Variants in MAP2K5 observed in about 807,000 individuals in gnomAD.
The protein encoded by MAP2K5 is dual specificity mitogen-activated protein kinase kinase 5.
A neutral mutation model predicts 83.1 loss-of-function variants in MAP2K5; 49 were observed. The observed-to-expected ratio is 0.59, with a 90% confidence interval of 0.47 to 0.75. MAP2K5 has a LOEUF of 0.75. Among genes scored for constraint, MAP2K5 ranks in the 30% least tolerant of loss-of-function variants. The pLI is 0.00. For missense variants in MAP2K5, 457 were observed against 557.5 expected, an observed-to-expected ratio of 0.82 and a Z score of 1.82; for synonymous variants, 202 against 191.8, an observed-to-expected ratio of 1.05 and a Z score of -0.44.
At chr15:67,544,992 A>G (rs1249703490) in intron 1 of MAP2K5, among the ~76,000 whole-genome samples, 3 of 152,138 alleles carry the variant, frequency 2.0e-5, no homozygotes, top group East Asian at 3.9e-4. Flanking sequence ...TCCTCTGGGC[A>G]CATCTGGATT....
chr15:67,611,705 A>G (rs2085928271), intron 8 of MAP2K5, among the ~76,000 whole-genome samples: 1 of 152,196 alleles, frequency 6.6e-6, no homozygotes, highest in African/African-American at 2.4e-5. Flanking sequence ...CAAGTCAAGG[A>G]TAAGATCACC....
At position 67,793,167 on chromosome 15, in the gene MAP2K5, G is replaced by T. The variant is rs1050779791; in HGVS notation, c.1243-13479G>T. ...AAGTTAAATTTACTTCCAGCTACTC[G>T]GGAAACTGAAACAGGATCATCTGAG... is the stretch of plus-strand genomic sequence containing the variant. On this transcript the variant is annotated intron_variant, in intron 21 of 21. Transcript: ENST00000178640. This position sits in a 1 kb window ranked among gnomAD's most constrained non-coding sequence, Gnocchi z 4.6. 6.6e-6 allele frequency among the ~76,000 whole-genome samples: 1 copy of T among 152,088 alleles called. No homozygotes were observed. The highest frequency in any genetic ancestry group is 1.5e-5 in the Non-Finnish European group (1 of 68,010).
At chr15:67,607,218 A>C (rs1334240210) in intron 8 of MAP2K5, among the ~76,000 whole-genome samples, 1 of 152,228 alleles carries the variant, frequency 6.6e-6, no homozygotes, top group Non-Finnish European at 1.5e-5. Flanking sequence ...TCCTAATGCA[A>C]AATTAAATAT....
chr15:67,605,566 G>A (rs558132683), intron 8 of MAP2K5, among the ~76,000 whole-genome samples: 2 of 152,190 alleles, frequency 1.3e-5, no homozygotes, highest in South Asian at 4.1e-4. Flanking sequence ...TTTTCAGATT[G>A]CTATAGGACA....
At chr15:67,751,894 G>GC (rs989128332) in intron 19 of MAP2K5, among the ~76,000 whole-genome samples, 2 of 152,054 alleles carry the variant, frequency 1.3e-5, no homozygotes, top group Non-Finnish European at 2.9e-5. Context: ...AGAGCCCTTT[G>GC]CCCCCAGGCT....
intron 4 of MAP2K5, among the ~76,000 whole-genome samples, chr15:67,583,332 T>A (rs534520048): frequency 1.5e-3 from 229 of 152,206 alleles, no homozygotes; most frequent in Middle Eastern, 6.8e-3. Context: ...AGAGGATACT[T>A]AAAGGAGGAA....
chr15:67,709,462 G>A (rs1176383849), intron 16 of MAP2K5, among the ~76,000 whole-genome samples: 1 of 124,928 alleles, frequency 8.0e-6, no homozygotes, highest in African/African-American at 3.1e-5. Flanking sequence ...TGTAGTCTCT[G>A]TTCAAGACTT....
At chr15:67,595,443 A>G (rs2085504152) in intron 7 of MAP2K5, among the ~76,000 whole-genome samples, 1 of 152,246 alleles carries the variant, frequency 6.6e-6, no homozygotes, top group Non-Finnish European at 1.5e-5. Context: ...GCAAAGGTCT[A>G]GTGATGGGAC....
chr15:67,723,794 T>G (rs1052918946), intron 16 of MAP2K5, among the ~76,000 whole-genome samples: 1 of 152,228 alleles, frequency 6.6e-6, no homozygotes, highest in Non-Finnish European at 1.5e-5. Flanking sequence ...ATTACATGCT[T>G]CTTTTGTAAA....
In MAP2K5 at chr15:67,793,888, A is replaced by T. The variant is rs1488159801; in HGVS notation, c.1243-12758A>T. ...CCAAAGAGTCATGAATGTGCCAGGG[A>T]AAGTCCTTAGGTTCTAAAACCAGAC... On this transcript the variant is annotated intron_variant, in intron 21 of 21. Transcript: ENST00000178640. The surrounding 1 kb of genome is among the most constrained non-coding windows in gnomAD (Gnocchi z 4.6). Among the ~76,000 whole-genome samples the T allele has an allele frequency of 6.6e-6, 1 of 152,228 alleles. No homozygotes were observed. The highest frequency in any genetic ancestry group is 2.4e-5 in the African/African-American group (1 of 41,460).
chr15:67,637,613 T>A lies in MAP2K5; in HGVS notation c.585+6686T>A, dbSNP rs138023101. Reference sequence around the variant, plus strand: ...TGACATCTATGTACAGATCATTCATTACTCAGCTGAAGACTCCAGGACCCC... The same window carrying A: ...TGACATCTATGTACAGATCATTCATAACTCAGCTGAAGACTCCAGGACCCC... On this transcript the variant is annotated intron_variant, in intron 9 of 21. Transcript: ENST00000178640. This position sits in a 1 kb window ranked among gnomAD's most constrained non-coding sequence, Gnocchi z 4.5. Among the ~76,000 whole-genome samples the A allele has an allele frequency of 2.6e-3, 399 of 152,268 alleles. 1 individual carries two copies. Among genetic ancestry groups the A allele is most frequent in the South Asian group, 9.8e-3 (47 of 4,818 alleles).
At chr15:67,606,952 C>T (rs1280258906) in intron 8 of MAP2K5, among the ~76,000 whole-genome samples, 1 of 152,178 alleles carries the variant, frequency 6.6e-6, no homozygotes, top group Admixed American at 6.5e-5. Context: ...ACCAACCAAC[C>T]TGAAGGTGTG....
intron 8 of MAP2K5, among the ~76,000 whole-genome samples, chr15:67,603,725 A>G (rs2085716159): frequency 6.6e-6 from 1 of 152,224 alleles, no homozygotes; most frequent in Non-Finnish European, 1.5e-5. Context: ...CCACTTTACT[A>G]AAGTCTCTAT....
chr15:67,620,744 TAGG>T (rs1421973139), intron 8 of MAP2K5, among the ~76,000 whole-genome samples: 4 of 152,168 alleles, frequency 2.6e-5, no homozygotes, highest in African/African-American at 9.7e-5. Flanking sequence ...TTATATTGTT[TAGG>T]AGAAGGATAT....
Position 67,737,006 on chromosome 15 carries a change from A to G in MAP2K5, c.1074+9061A>G, listed in dbSNP as rs116511719. Among the ~76,000 whole-genome samples, 1,419 of 152,362 alleles carry G rather than the reference A, an allele frequency of 9.3e-3. 17 individuals carry two copies. The highest frequency in any genetic ancestry group is 0.033 in the African/African-American group (1,356 of 41,576). ...ACTCATGATTACCAGGTATTCAGCA[A>G]CAGGGCCAGACTGTCTCCCACTCAC... On this transcript the variant is annotated intron_variant, in intron 17 of 21. Transcript: ENST00000178640.
chr15:67,610,135 T>C (rs1304150843), intron 8 of MAP2K5, among the ~76,000 whole-genome samples: 1 of 152,222 alleles, frequency 6.6e-6, no homozygotes, highest in African/African-American at 2.4e-5. Context: ...ATTCACTCTC[T>C]GAATTTCCTA....
At chr15:67,629,347 C>G (rs889520723) in intron 8 of MAP2K5, among the ~76,000 whole-genome samples, 4 of 151,318 alleles carry the variant, frequency 2.6e-5, no homozygotes, top group Admixed American at 2.0e-4. Flanking sequence ...ATTTTAGTTC[C>G]TGTTCCATGG....
intron 16 of MAP2K5, among the ~76,000 whole-genome samples, chr15:67,705,412 A>G (rs2088525569): frequency 6.6e-6 from 1 of 152,122 alleles, no homozygotes; most frequent in Non-Finnish European, 1.5e-5. Context: ...GTAATTTGTC[A>G]GGTGGGGATA....
In MAP2K5 at chr15:67,782,881, GCTGT is replaced by G. The variant is rs2090352135; in HGVS notation, c.1242+10132_1242+10135del. ...GAGGTCAGCAGAGCTTCGGCTGGGC[GCTGT>G]CTCCTTCCTGCCTTCAGAAACGGCC... On this transcript the variant is annotated intron_variant, in intron 21 of 21. Coordinates refer to ENST00000178640, the MANE Select transcript of MAP2K5 (RefSeq NM_145160.3). This position sits in a 1 kb window ranked among gnomAD's most constrained non-coding sequence, Gnocchi z 4.9. Among the ~76,000 whole-genome samples the G allele has an allele frequency of 6.6e-6, 1 of 152,226 alleles. No individual in the cohort carries two copies. The highest frequency in any genetic ancestry group is 1.5e-5 in the Non-Finnish European group (1 of 68,042).
Sources: gnomAD v4.1 joint callset for allele counts (sites outside exome capture counted in the v4.1 genomes callset) on GRCh38, gnomAD v4.1.1 for gene constraint, Gnocchi (gnomAD v3.1) non-coding constraint, MANE v1.5 for transcripts, NCBI Gene and HGNC (gene_info 2026-07-23, HGNC 2026-07-21) for gene names.